Variants in KIAA1217 observed in about 807,000 individuals in gnomAD.
KIAA1217 encodes KIAA1217, also known as sickle tail protein homolog.
In KIAA1217, 88 loss-of-function variants were observed where a neutral mutation model predicts 163.9. The ratio of observed to expected loss-of-function variants is 0.54; its 90% confidence interval spans 0.45 to 0.64. The LOEUF is 0.64. Ranked by LOEUF, KIAA1217 falls within the 30% of genes least tolerant of loss-of-function variation. The probability of loss-of-function intolerance (pLI) is 0.00; values close to 1 mark genes in which losing one functional copy is unlikely to be tolerated. For synonymous variants in KIAA1217, 903 were observed against 923.1 expected, an observed-to-expected ratio of 0.98 and a Z score of 0.39; for missense variants, 2,372 against 2,475.0, an observed-to-expected ratio of 0.96 and a Z score of 0.88.
chr10:24,022,069 G>A (rs1020851183), intron 2 of KIAA1217, among the ~76,000 whole-genome samples: 2 of 150,920 alleles, frequency 1.3e-5, no homozygotes, highest in Non-Finnish European at 3.0e-5. Context: ...CAACACAAAA[G>A]CAAGGACTCT....
In KIAA1217 at chr10:24,127,109, C is replaced by T. The variant is rs185372714; in HGVS notation, c.-170-92517C>T. Among the ~76,000 whole-genome samples, 6 of 152,256 alleles carry T rather than the reference C, an allele frequency of 3.9e-5. No individual in the cohort carries two copies. In the East Asian group the frequency reaches 9.6e-4, roughly 24 times the overall value. ...AGCAGAACAAGAAGTTCTACTTTGA[C>T]CTTTTGACCTAAAACAAATCATATT... On this transcript the variant is annotated intron_variant, in intron 2 of 18. Coordinates refer to the KIAA1217 transcript ENST00000376462.
At chr10:24,532,629 A>C (rs898108306) in intron 15 of KIAA1217, among the ~76,000 whole-genome samples, 1 of 152,184 alleles carries the variant, frequency 6.6e-6, no homozygotes, top group African/African-American at 2.4e-5. Context: ...GCAGGCAAGA[A>C]AGAGATTGTG....
At chr10:24,403,596 A>G (rs1024865544) in intron 3 of KIAA1217, among the ~76,000 whole-genome samples, 1 of 152,208 alleles carries the variant, frequency 6.6e-6, no homozygotes, top group Non-Finnish European at 1.5e-5. Context: ...ATATTTGTAA[A>G]CCACATCTGA....
chr10:24,000,466 C>T (rs927956123), intron 1 of KIAA1217, among the ~76,000 whole-genome samples: 1 of 152,256 alleles, frequency 6.6e-6, no homozygotes, highest in African/African-American at 2.4e-5. Flanking sequence ...TTTCCTGAGG[C>T]TTCTCCAGCC....
chr10:23,844,868 T>A (rs1838946541), intron 1 of KIAA1217, among the ~76,000 whole-genome samples: 1 of 152,134 alleles, frequency 6.6e-6, no homozygotes, highest in South Asian at 2.1e-4. Context: ...TAGGTATTTC[T>A]CCTCATGCTA....
intron 2 of KIAA1217, among the ~76,000 whole-genome samples, chr10:24,135,914 A>G (rs914511275): frequency 1.3e-5 from 2 of 152,200 alleles, no homozygotes; most frequent in African/African-American, 4.8e-5. Flanking sequence ...GGCATTCTGT[A>G]TAGGTATTAC....
At chr10:24,396,469 A>T (rs2055766368) in intron 3 of KIAA1217, among the ~76,000 whole-genome samples, 1 of 152,216 alleles carries the variant, frequency 6.6e-6, no homozygotes, top group South Asian at 2.1e-4. Context: ...AATAAAATAT[A>T]TAATAGATGG....
chr10:23,943,645 A>G (rs916260380), intron 1 of KIAA1217, among the ~76,000 whole-genome samples: 1 of 152,242 alleles, frequency 6.6e-6, no homozygotes, highest in African/African-American at 2.4e-5. Context: ...ATTTATATTG[A>G]GAATCAAAGG....
At chr10:24,240,864 T>A (rs552569478) in intron 2 of KIAA1217, among the ~76,000 whole-genome samples, 11 of 150,718 alleles carry the variant, frequency 7.3e-5, no homozygotes, top group Middle Eastern at 3.4e-3. Context: ...TCTTTTTTTT[T>A]TTAAAAAAAA....
At chr10:24,334,923 T>C in intron 2 of KIAA1217, among the ~76,000 whole-genome samples, 1 of 152,210 alleles carries the variant, frequency 6.6e-6, no homozygotes, top group East Asian at 1.9e-4. Flanking sequence ...ATTAAAGAAC[T>C]TCCTCTGTAA....
intron 6 of KIAA1217, 45 bp from the exon 7 acceptor site, chr10:24,494,455 T>C (rs3818673): frequency 0.21 from 326,522 of 1,530,720 alleles, 38,584 homozygotes; most frequent in South Asian, 0.37. Flanking sequence ...ACAAACTGGT[T>C]TGAAAGTCCA....
intron 1 of KIAA1217, among the ~76,000 whole-genome samples, chr10:23,802,617 T>C (rs1034287): frequency 0.31 from 47,557 of 152,114 alleles, 8,573 homozygotes; most frequent in African/African-American, 0.49. Context: ...ATCCTTTCTG[T>C]GCTTCTCAAT....
At chr10:24,195,656 C>G (rs540217261) in intron 2 of KIAA1217, among the ~76,000 whole-genome samples, 1 of 152,038 alleles carries the variant, frequency 6.6e-6, no homozygotes, top group Non-Finnish European at 1.5e-5. Flanking sequence ...CTGATGACAG[C>G]GAGATACTGA....
chr10:23,805,755 C>G (rs913998589), intron 1 of KIAA1217, among the ~76,000 whole-genome samples: 3 of 151,720 alleles, frequency 2.0e-5, no homozygotes, highest in African/African-American at 7.3e-5. Flanking sequence ...GGCTCACGCC[C>G]GTAATCCCAG....
intron 1 of KIAA1217, among the ~76,000 whole-genome samples, chr10:23,980,252 G>A (rs962084783): frequency 6.6e-6 from 1 of 152,132 alleles, no homozygotes; most frequent in African/African-American, 2.4e-5. Context: ...ATGGTGGGAG[G>A]GGCTGAGTGT....
At chr10:24,112,565 A>G (rs1257579300) in intron 2 of KIAA1217, among the ~76,000 whole-genome samples, 1 of 151,888 alleles carries the variant, frequency 6.6e-6, no homozygotes, top group Non-Finnish European at 1.5e-5. Context: ...AACTCCAATG[A>G]CTAGTGCTCT....
intron 1 of KIAA1217, among the ~76,000 whole-genome samples, chr10:23,744,207 A>G (rs1321863462): frequency 6.6e-6 from 1 of 152,146 alleles, no homozygotes; most frequent in Non-Finnish European, 1.5e-5. Context: ...GCTAGCAAGG[A>G]TGTGAGCTAC....
intron 1 of KIAA1217, among the ~76,000 whole-genome samples, chr10:23,888,682 C>G (rs546658624): frequency 6.6e-6 from 1 of 151,896 alleles, no homozygotes; most frequent in Non-Finnish European, 1.5e-5. Flanking sequence ...GGCAATTCTG[C>G]TAATTGTAAA....
At chr10:24,068,994 C>A (rs2061079834) in intron 2 of KIAA1217, among the ~76,000 whole-genome samples, 1 of 152,152 alleles carries the variant, frequency 6.6e-6, no homozygotes, top group Non-Finnish European at 1.5e-5. Context: ...GAAGCCAGTT[C>A]CTTAGGCAAC....
Sources: gnomAD v4.1 joint callset for allele counts (sites outside exome capture counted in the v4.1 genomes callset) on GRCh38, gnomAD v4.1.1 for gene constraint, MANE v1.5 for transcripts, NCBI Gene and HGNC (gene_info 2026-07-23, HGNC 2026-07-21) for gene names.